The following DCLK1 variants were observed in gnomAD, a reference collection of about 807,000 sequenced individuals.
The protein encoded by DCLK1 is doublecortin like kinase 1.
In DCLK1, 16 loss-of-function variants were observed where a neutral mutation model predicts 86.2. The observed-to-expected ratio is 0.19, with a 90% confidence interval of 0.13 to 0.28. DCLK1 has a LOEUF of 0.28. Ranked by LOEUF, DCLK1 falls within the 10% of genes least tolerant of loss-of-function variation. The pLI is 1.00. For synonymous variants in DCLK1, 369 were observed against 370.5 expected, an observed-to-expected ratio of 1.00 and a Z score of 0.05; for missense variants, 590 against 940.2, an observed-to-expected ratio of 0.63 and a Z score of 4.87.
chr13:36,002,017 G>A (rs577411272), intron 3 of DCLK1, among the ~76,000 whole-genome samples: 1 of 148,634 alleles, frequency 6.7e-6, no homozygotes, highest in Non-Finnish European at 1.5e-5. Flanking sequence ...GGATGATGAA[G>A]TTGGGTTAAA....
At chr13:36,070,622 C>A (rs759460203) in intron 3 of DCLK1, among the ~76,000 whole-genome samples, 6 of 145,584 alleles carry the variant, frequency 4.1e-5, no homozygotes, top group Non-Finnish European at 7.4e-5. Flanking sequence ...TTTTTCCCAT[C>A]TTTATTTATT....
chr13:35,774,838 A>G (rs1228424287), intron 16 of DCLK1, 139 bp from the exon 17 acceptor site: 2 of 961,234 alleles, frequency 2.1e-6, no homozygotes, highest in Non-Finnish European at 3.0e-6. Flanking sequence ...TTTTGTTGAC[A>G]GTCACCACTC....
chr13:35,941,948 C>T (rs544617637), intron 4 of DCLK1, among the ~76,000 whole-genome samples: 10 of 152,236 alleles, frequency 6.6e-5, no homozygotes, highest in East Asian at 5.8e-4. Context: ...GCTGTGAAAA[C>T]GACATTGCTC....
intron 5 of DCLK1, among the ~76,000 whole-genome samples, chr13:35,859,333 A>T (rs985242383): frequency 6.6e-6 from 1 of 152,172 alleles, no homozygotes; most frequent in Non-Finnish European, 1.5e-5. Context: ...GTATAGGTAC[A>T]TTTTCTTATT....
At position 35,965,533 on chromosome 13, in the gene DCLK1, C is replaced by A. The variant is rs532093792; in HGVS notation, c.724-18076G>T. ...TAAAAATATTTACTTTTTTAAGGAT[C>A]TCAGTTTACCAGTTGCTGTGCAAAG... is the stretch of plus-strand genomic sequence containing the variant. On this transcript the variant is annotated intron_variant, in intron 3 of 16. Transcript: ENST00000360631. Among the ~76,000 whole-genome samples, 5 of 152,286 alleles carry A rather than the reference C, an allele frequency of 3.3e-5. No individual in the cohort carries two copies. The East Asian group carries it at 9.6e-4, about 29-fold the overall frequency.
At chr13:35,961,112 T>G (rs556353770) in intron 3 of DCLK1, among the ~76,000 whole-genome samples, 1 of 152,318 alleles carries the variant, frequency 6.6e-6, no homozygotes, top group East Asian at 1.9e-4. Flanking sequence ...AACTTAAGTT[T>G]AAAACTCAAT....
chr13:35,947,443 C>T lies in DCLK1; in HGVS notation c.738G>A (p.Gln246=), dbSNP rs1255810364. 4 of 1,613,632 alleles carry T rather than the reference C, an allele frequency of 2.5e-6. No homozygotes were observed. Among genetic ancestry groups the T allele is most frequent in the Non-Finnish European group, 3.4e-6 (4 of 1,179,714 alleles). ...TLDGKQVMCL[Q]DFFGDDDIFI... is the part of the protein sequence containing the mutation. ...AAATGTCATCATCACCAAAAAAGTC[C>T]TGAAGGCACATCACCTACAAGAGAA... Residue 246 remains glutamine (Q), a synonymous_variant, in exon 4 of 17, where the codon CAG becomes CAA. Transcript: ENST00000360631.
chr13:35,820,376 G>A (rs1399116237), intron 11 of DCLK1, among the ~76,000 whole-genome samples: 1 of 152,104 alleles, frequency 6.6e-6, no homozygotes. Flanking sequence ...TAAATTAGAA[G>A]AGAAGGGAAA....
rs182842954 is a variant in DCLK1, at chr13:35,941,060, C to T, written c.823+6298G>A. 5.8e-4 allele frequency among the ~76,000 whole-genome samples: 89 copies of T among 152,278 alleles called. No homozygotes were observed. The Middle Eastern group carries it at 0.014, about 23-fold the overall frequency. On this transcript the variant is annotated intron_variant, in intron 4 of 16. Transcript: ENST00000360631. Reference sequence around the variant, plus strand: ...TGTGTTTCAGGGAATAGGAAGCAGGCTTGGAGATGTAGAGACCACACAGAA... The same window carrying T: ...TGTGTTTCAGGGAATAGGAAGCAGGTTTGGAGATGTAGAGACCACACAGAA...
chr13:36,092,925 G>A (rs992298851), intron 3 of DCLK1, among the ~76,000 whole-genome samples: 1 of 151,902 alleles, frequency 6.6e-6, no homozygotes, highest in Admixed American at 6.6e-5. Flanking sequence ...GCACAAAATA[G>A]GTATAATCTG....
chr13:35,959,167 T>C (rs1260291177), intron 3 of DCLK1, among the ~76,000 whole-genome samples: 1 of 152,226 alleles, frequency 6.6e-6, no homozygotes, highest in East Asian at 1.9e-4. Flanking sequence ...TTCCTCTTTG[T>C]CTTCATTGTA....
chr13:36,083,069 A>G (rs924674181), intron 3 of DCLK1, among the ~76,000 whole-genome samples: 1 of 152,204 alleles, frequency 6.6e-6, no homozygotes, highest in African/African-American at 2.4e-5. Flanking sequence ...AGTATTAAGC[A>G]ATGTACCCAC....
rs187373871 is a variant in DCLK1 at position 35,888,283 on chromosome 13, C to T, written c.824-16943G>A. On this transcript the variant is annotated intron_variant, in intron 4 of 16. Transcript: ENST00000360631. ...AGCACCCTCTTCATGAACAATTTAT[C>T]TATTTTCCCTCCTATTCCAAATGAC... Among the ~76,000 whole-genome samples the T allele has an allele frequency of 1.2e-3, 190 of 152,312 alleles. 1 individual carries two copies. The highest frequency in any genetic ancestry group is 4.2e-3 in the African/African-American group (173 of 41,570).
At chr13:35,971,970 G>A (rs576795311) in intron 3 of DCLK1, among the ~76,000 whole-genome samples, 4 of 152,056 alleles carry the variant, frequency 2.6e-5, no homozygotes, top group East Asian at 3.9e-4. Flanking sequence ...TCCTTTCTAC[G>A]TCTAGACTAA....
intron 3 of DCLK1, among the ~76,000 whole-genome samples, chr13:36,050,906 G>A (rs1387497416): frequency 6.6e-6 from 1 of 152,122 alleles, no homozygotes; most frequent in Non-Finnish European, 1.5e-5. Context: ...TCAGGAATGA[G>A]GAGTGCCAGT....
chr13:35,869,924 T>C (rs72652874), intron 5 of DCLK1, among the ~76,000 whole-genome samples: 4,940 of 152,196 alleles, frequency 0.032, 140 homozygotes, highest in Middle Eastern at 0.068. Flanking sequence ...TCTCAGGGTG[T>C]GGGGGTTCAG....
chr13:35,800,850 G>A (rs924874234), intron 15 of DCLK1, among the ~76,000 whole-genome samples: 2 of 150,854 alleles, frequency 1.3e-5, no homozygotes, highest in African/African-American at 4.9e-5. Flanking sequence ...CCCAGTAGCT[G>A]GGATTACAGG....
At chr13:35,885,748 T>G (rs1400465663) in intron 4 of DCLK1, among the ~76,000 whole-genome samples, 1 of 152,214 alleles carries the variant, frequency 6.6e-6, no homozygotes, top group Non-Finnish European at 1.5e-5. Flanking sequence ...TAACTCAGGT[T>G]GCTGATTTGT....
intron 3 of DCLK1, among the ~76,000 whole-genome samples, chr13:36,061,359 ATAAAGTATC>A (rs1301625068): frequency 6.6e-6 from 1 of 152,216 alleles, no homozygotes; most frequent in African/African-American, 2.4e-5. Context: ...ATAAGTAAAA[ATAAAGTATC>A]TAAAGACAAA....
Sources: gnomAD v4.1 joint callset for allele counts (sites outside exome capture counted in the v4.1 genomes callset) on GRCh38, gnomAD v4.1.1 for gene constraint, MANE v1.5 for transcripts, NCBI Gene and HGNC (gene_info 2026-07-23, HGNC 2026-07-21) for gene names.